Variants in EYA4 observed in about 807,000 individuals in gnomAD.
EYA4 encodes the protein EYA transcriptional coactivator and phosphatase 4.
A neutral mutation model predicts 87.9 loss-of-function variants in EYA4; 31 were observed. The ratio of observed to expected loss-of-function variants is 0.35; its 90% CI spans 0.27 to 0.48. The LOEUF (loss-of-function observed/expected upper bound fraction) is 0.48, where lower values mean the gene tolerates loss of function less well. EYA4 is among the 20% of genes least tolerant of loss of function. The pLI, the probability that EYA4 is intolerant of heterozygous loss-of-function variation, is 0.99. For missense variants in EYA4, 678 were observed against 761.4 expected (o/e 0.89, Z 1.29); for synonymous variants, 263 against 270.6 (o/e 0.97, Z 0.28).
intron 2 of EYA4, among the ~76,000 whole-genome samples, chr6:133,278,147 G>T (rs1409434703): frequency 6.6e-6 from 1 of 151,854 alleles, no homozygotes; most frequent in Non-Finnish European, 1.5e-5. Context: ...AATCTCCCAG[G>T]TTCTCTGAGG....
At chr6:133,429,825 G>A (rs1791023068) in intron 3 of EYA4, among the ~76,000 whole-genome samples, 1 of 151,968 alleles carries the variant, frequency 6.6e-6, no homozygotes, top group Admixed American at 6.6e-5. Context: ...CTATGGAGTT[G>A]GTGGATTTCA....
chr6:133,448,107 T>A lies in EYA4; in HGVS notation c.209-4T>A. The A allele has an allele frequency of 6.2e-7, 1 of 1,611,372 alleles. No homozygotes were observed. Among genetic ancestry groups the A allele is most frequent in the Non-Finnish European group, 8.5e-7 (1 of 1,177,440 alleles). On this transcript the variant is annotated splice_polypyrimidine_tract_variant and splice_region_variant and intron_variant, in intron 4 of 19. Transcript: ENST00000355286. ...ATGAACTTTTATACTGTTCCTGTTCTCAGGGGAAAACATGACTGTTTTAAA... is the reference window on the plus strand; with the variant it reads ...ATGAACTTTTATACTGTTCCTGTTCACAGGGGAAAACATGACTGTTTTAAA...
chr6:133,249,842 A>C (rs1044729852), intron 1 of EYA4, among the ~76,000 whole-genome samples: 1 of 152,244 alleles, frequency 6.6e-6, no homozygotes, highest in Non-Finnish European at 1.5e-5. Context: ...TACATTTAAC[A>C]TAGCCCTTGC....
At chr6:133,243,679 A>G (rs1233900416) in intron 1 of EYA4, among the ~76,000 whole-genome samples, 1 of 146,292 alleles carries the variant, frequency 6.8e-6, no homozygotes, top group Non-Finnish European at 1.5e-5. Context: ...TGTCTTTTAA[A>G]ATATTATTGG....
chr6:133,482,781 C>T (rs764133665), intron 12 of EYA4, among the ~76,000 whole-genome samples: 15 of 152,044 alleles, frequency 9.9e-5, no homozygotes, highest in Non-Finnish European at 1.8e-4. Flanking sequence ...GTGTTAACTA[C>T]GAGTAAATGT....
chr6:133,455,400 C>T (rs1353464450), intron 5 of EYA4, among the ~76,000 whole-genome samples: 1 of 152,114 alleles, frequency 6.6e-6, no homozygotes, highest in Non-Finnish European at 1.5e-5. Flanking sequence ...TCTGAATCTT[C>T]CAGCTGATCA....
At chr6:133,301,841 C>G (rs11970056) in intron 2 of EYA4, among the ~76,000 whole-genome samples, 1 of 152,148 alleles carries the variant, frequency 6.6e-6, no homozygotes, top group Non-Finnish European at 1.5e-5. Flanking sequence ...AAGGAGGAAG[C>G]GCTGGGCTTC....
chr6:133,453,360 G>A (rs212768), intron 5 of EYA4, among the ~76,000 whole-genome samples: 1 of 151,650 alleles, frequency 6.6e-6, no homozygotes, highest in African/African-American at 2.4e-5. Context: ...TGAAAATAAC[G>A]TTGTTTTCCA....
chr6:133,483,025 T>C lies in EYA4; in HGVS notation c.1108-7T>C, dbSNP rs986926690. On this transcript the variant is annotated splice_polypyrimidine_tract_variant and splice_region_variant and intron_variant, in intron 12 of 19. Transcript: ENST00000355286. The stretch of plus-strand genomic sequence containing the variant: ...TTAATTTTCTGATATTTATTTTTTG[T>C]CTTCAGCGTGTGTTTGTCTGGGATT... 6.2e-7 allele frequency: 1 copy of C among 1,611,018 alleles called. No individual in the cohort carries two copies. Among genetic ancestry groups the C allele is most frequent in the Non-Finnish European group, 8.5e-7 (1 of 1,177,556 alleles).
At chr6:133,491,900 C>T (rs971465346) in intron 13 of EYA4, among the ~76,000 whole-genome samples, 30 of 137,320 alleles carry the variant, frequency 2.2e-4, no homozygotes, top group South Asian at 2.2e-4. Context: ...TGCAGTGAGC[C>T]GAGTTAGCAC....
intron 1 of EYA4, among the ~76,000 whole-genome samples, chr6:133,252,244 A>G (rs1210392436): frequency 1.3e-5 from 2 of 152,244 alleles, no homozygotes; most frequent in East Asian, 3.8e-4. Context: ...TAGAAAAGGT[A>G]AAGTTACTGA....
chr6:133,492,057 G>A (rs931285334), intron 13 of EYA4, among the ~76,000 whole-genome samples: 2 of 151,432 alleles, frequency 1.3e-5, no homozygotes, highest in African/African-American at 4.9e-5. Flanking sequence ...TAGCAACCCT[G>A]CCCAAACTAT....
intron 2 of EYA4, among the ~76,000 whole-genome samples, chr6:133,275,233 G>A (rs1056242474): frequency 6.6e-6 from 1 of 152,160 alleles, no homozygotes; most frequent in Admixed American, 6.5e-5. Context: ...TAGTTCTCAA[G>A]CGCTTTTAGT....
intron 6 of EYA4, among the ~76,000 whole-genome samples, chr6:133,456,974 T>G (rs1793967387): frequency 1.3e-5 from 2 of 152,188 alleles, no homozygotes; most frequent in Admixed American, 6.6e-5. Context: ...TGACCTTGCT[T>G]CTTCAACTTA....
chr6:133,385,288 G>C (rs1786610168), intron 3 of EYA4, among the ~76,000 whole-genome samples: 1 of 108,506 alleles, frequency 9.2e-6, no homozygotes, highest in Non-Finnish European at 1.8e-5. Flanking sequence ...GACAAAGCAA[G>C]ACTCTGTCTC....
Position 133,356,612 on chromosome 6 carries a change from CCATT to C in EYA4, c.34-25779_34-25776del, listed in dbSNP as rs201318785. On this transcript the variant is annotated intron_variant, in intron 2 of 19. Coordinates refer to ENST00000355286, the MANE Select transcript of EYA4 (RefSeq NM_004100.5). ...TCAGTTACAGATTTAGAAATGCGAG[CCATT>C]ATTATGAAGCAAGCCTTATAATAAG... 2.0e-3 allele frequency among the ~76,000 whole-genome samples: 298 copies of C among 151,846 alleles called. 1 individual carries two copies. Among genetic ancestry groups the C allele is most frequent in the African/African-American group, 6.6e-3 (274 of 41,376 alleles).
chr6:133,427,841 G>C (rs917838127), intron 3 of EYA4, among the ~76,000 whole-genome samples: 1 of 152,074 alleles, frequency 6.6e-6, no homozygotes, highest in African/African-American at 2.4e-5. Flanking sequence ...CCTACTACTT[G>C]GTATATACCT....
intron 13 of EYA4, among the ~76,000 whole-genome samples, chr6:133,489,388 TC>T (rs1428345522): frequency 2.0e-5 from 3 of 151,776 alleles, no homozygotes; most frequent in Non-Finnish European, 4.4e-5. Flanking sequence ...GATATCAATA[TC>T]CACATGCAAG....
At chr6:133,291,079 G>C (rs1218484496) in intron 2 of EYA4, among the ~76,000 whole-genome samples, 1 of 152,108 alleles carries the variant, frequency 6.6e-6, no homozygotes, top group African/African-American at 2.4e-5. Context: ...TGCTCAATCA[G>C]CATTAACAGA....
Sources: allele counts gnomAD v4.1 joint callset (sites outside exome capture counted in the v4.1 genomes callset), GRCh38; gene constraint gnomAD v4.1.1; transcripts MANE v1.5; gene names NCBI Gene and HGNC (gene_info 2026-07-23, HGNC 2026-07-21).